The following GRIA1 variants were observed in gnomAD, a reference collection of about 807,000 sequenced individuals.
GRIA1 encodes the protein glutamate ionotropic receptor AMPA type subunit 1.
Under a neutral mutation model 99.2 loss-of-function variants are expected in GRIA1, and 31 were observed. That is an observed-to-expected ratio of 0.31 (90% CI 0.23 to 0.42). The LOEUF (loss-of-function observed/expected upper bound fraction) is 0.42, where lower values mean the gene tolerates loss of function less well. Among genes scored for constraint, GRIA1 ranks in the 10% least tolerant of loss-of-function variants. GRIA1 has a pLI of 1.00. For missense variants in GRIA1, 782 were observed against 1,157.5 expected, an observed-to-expected ratio of 0.68 and a Z score of 4.71; for synonymous variants, 438 against 432.4, an observed-to-expected ratio of 1.01 and a Z score of -0.16.
chr5:153,602,340 T>G (rs1581307596), intron 2 of GRIA1, among the ~76,000 whole-genome samples: 9 of 135,138 alleles, frequency 6.7e-5, no homozygotes, highest in South Asian at 4.6e-4. Context: ...TGAGAACACA[T>G]GGACACAGGA....
At chr5:153,505,945 A>G (rs1190324465) in intron 2 of GRIA1, among the ~76,000 whole-genome samples, 1 of 152,224 alleles carries the variant, frequency 6.6e-6, no homozygotes, top group East Asian at 1.9e-4. Context: ...AAGTTGGAAG[A>G]GAGCCAAATG....
intron 11 of GRIA1, among the ~76,000 whole-genome samples, chr5:153,757,360 C>T (rs1030021631): frequency 2.0e-5 from 3 of 151,958 alleles, no homozygotes; most frequent in Admixed American, 6.6e-5. Context: ...AGAAGAAAAA[C>T]ACAAAAGGGT....
At chr5:153,640,479 T>C (rs1185420628) in intron 2 of GRIA1, among the ~76,000 whole-genome samples, 1 of 152,182 alleles carries the variant, frequency 6.6e-6, no homozygotes, top group Non-Finnish European at 1.5e-5. Flanking sequence ...CTGACCCCAG[T>C]CATACTGGTG....
rs572577126 is a variant in GRIA1 at position 153,532,770 on chromosome 5, T to G, written c.220+38705T>G. On this transcript the variant is annotated intron_variant, in intron 2 of 15. Coordinates refer to ENST00000285900, the MANE Select transcript of GRIA1 (RefSeq NM_000827.4). ...CCGGTTTGGGAAGTAGGCTGTAGAG[T>G]CAATACCTGCGGTCAAACATCAGCC... Among the ~76,000 whole-genome samples, 53 of 152,206 alleles carry G rather than the reference T, an allele frequency of 3.5e-4. 2 individuals carry two copies. The highest frequency in any genetic ancestry group is 3.5e-3 in the Admixed American group (53 of 15,292).
At chr5:153,570,867 T>C (rs1762053095) in intron 2 of GRIA1, among the ~76,000 whole-genome samples, 1 of 152,168 alleles carries the variant, frequency 6.6e-6, no homozygotes, top group Non-Finnish European at 1.5e-5. Context: ...TATAGTCAAA[T>C]AGAATAAGGA....
intron 2 of GRIA1, among the ~76,000 whole-genome samples, chr5:153,559,755 A>G (rs1438949256): frequency 1.3e-5 from 2 of 152,164 alleles, no homozygotes; most frequent in Admixed American, 6.5e-5. Flanking sequence ...TGGGACCACC[A>G]TCATATAAGC....
intron 11 of GRIA1, among the ~76,000 whole-genome samples, chr5:153,710,225 C>CAA (rs35534347): frequency 0.01 from 1,442 of 139,190 alleles, 16 homozygotes; most frequent in African/African-American, 0.034. Context: ...GCTTCTTGTT[C>CAA]AAAAAAAAAA....
In GRIA1 at chr5:153,728,780, T is replaced by C. The variant is rs1312251842; in HGVS notation, c.1823+22713T>C. Among the ~76,000 whole-genome samples, 7 of 98,180 alleles carry C rather than the reference T, an allele frequency of 7.1e-5. 3 individuals carry two copies. The highest frequency in any genetic ancestry group is 1.4e-4 in the Non-Finnish European group (7 of 50,516). 64.4% of individuals were successfully genotyped at this position (98,180 alleles called of 152,430 possible). On this transcript the variant is annotated intron_variant, in intron 11 of 15. Transcript: ENST00000285900. ...GAGAAATAGGAACAGGTTTACACTGTTGGTTGGACTGTAAACTAGTTCAAC... is the reference window on the plus strand; with the variant it reads ...GAGAAATAGGAACAGGTTTACACTGCTGGTTGGACTGTAAACTAGTTCAAC...
intron 2 of GRIA1, among the ~76,000 whole-genome samples, chr5:153,517,111 G>A (rs1368640623): frequency 6.6e-6 from 1 of 152,100 alleles, no homozygotes; most frequent in East Asian, 1.9e-4. Context: ...CCTCAGCCAC[G>A]CAGGAAACCC....
intron 13 of GRIA1, among the ~76,000 whole-genome samples, chr5:153,793,428 A>G (rs957771313): frequency 2.0e-5 from 3 of 152,206 alleles, no homozygotes; most frequent in African/African-American, 7.2e-5. Flanking sequence ...CTGGGCCTCA[A>G]CTTAAGGTGA....
chr5:153,596,258 A>G (rs1764422598), intron 2 of GRIA1, among the ~76,000 whole-genome samples: 1 of 152,228 alleles, frequency 6.6e-6, no homozygotes, highest in Non-Finnish European at 1.5e-5. Flanking sequence ...AAAATTATCA[A>G]ATCAGAAGCA....
chr5:153,615,151 A>G lies in GRIA1; in HGVS notation c.221-31777A>G, dbSNP rs572166880. On this transcript the variant is annotated intron_variant, in intron 2 of 15. Coordinates refer to ENST00000285900, the MANE Select transcript of GRIA1 (RefSeq NM_000827.4). ...TGGCATGTGGAACAGTTCCTAGCAC[A>G]TATAAGCACTCAACAGACATTTATT... 2.0e-5 allele frequency among the ~76,000 whole-genome samples: 3 copies of G among 152,336 alleles called. No homozygotes were observed. The South Asian group carries it at 6.2e-4, about 32-fold the overall frequency.
chr5:153,504,437 C>CTA (rs373071324), intron 2 of GRIA1, among the ~76,000 whole-genome samples: 1 of 151,476 alleles, frequency 6.6e-6, no homozygotes, highest in Non-Finnish European at 1.5e-5. Context: ...TTTACTCTCT[C>CTA]TATATATATA....
chr5:153,619,906 C>T (rs1217212078), intron 2 of GRIA1, among the ~76,000 whole-genome samples: 1 of 152,074 alleles, frequency 6.6e-6, no homozygotes, highest in Admixed American at 6.5e-5. Flanking sequence ...ACAATATTTC[C>T]CCAAACTCCA....
chr5:153,638,090 A>G (rs1681155912), intron 2 of GRIA1, among the ~76,000 whole-genome samples: 1 of 152,208 alleles, frequency 6.6e-6, no homozygotes, highest in South Asian at 2.1e-4. Flanking sequence ...CCAGAGATTA[A>G]AATAGGTAAA....
chr5:153,611,600 T>C (rs1765989204), intron 2 of GRIA1, among the ~76,000 whole-genome samples: 1 of 152,142 alleles, frequency 6.6e-6, no homozygotes, highest in African/African-American at 2.4e-5. Flanking sequence ...CAGTGGTGAT[T>C]CTGGTTCACA....
chr5:153,778,380 A>G (rs1442823379), intron 13 of GRIA1, among the ~76,000 whole-genome samples: 1 of 152,120 alleles, frequency 6.6e-6, no homozygotes, highest in Non-Finnish European at 1.5e-5. Flanking sequence ...CGCTTTATTT[A>G]GCATTTTAGG....
chr5:153,799,058 G>A lies in GRIA1; in HGVS notation c.2386-3298G>A, dbSNP rs528760058. Among the ~76,000 whole-genome samples the A allele has an allele frequency of 4.9e-5, 7 of 142,750 alleles. 1 individual carries two copies. In the South Asian group the frequency reaches 1.2e-3, roughly 24 times the overall value. 93.6% of individuals were successfully genotyped at this position (142,750 alleles called of 152,430 possible). ...GTCACTCTCTTTCCCCACTCCTGGC[G>A]GGAGGTGAATTGTGACTTTTCCACC... On this transcript the variant is annotated intron_variant, in intron 14 of 15. Coordinates refer to ENST00000285900, the MANE Select transcript of GRIA1 (RefSeq NM_000827.4).
At chr5:153,754,211 C>T (rs1762674394) in intron 11 of GRIA1, among the ~76,000 whole-genome samples, 1 of 152,178 alleles carries the variant, frequency 6.6e-6, no homozygotes, top group African/African-American at 2.4e-5. Context: ...TGGATAGAGG[C>T]CCAGCTTCAC....
Sources: gnomAD v4.1 joint callset for allele counts (sites outside exome capture counted in the v4.1 genomes callset) on GRCh38, gnomAD v4.1.1 for gene constraint, MANE v1.5 for transcripts, NCBI Gene and HGNC (gene_info 2026-07-23, HGNC 2026-07-21) for gene names.